The following ZNF322 variants were observed in gnomAD, a reference collection of about 807,000 sequenced individuals.
ZNF322 encodes the protein zinc finger protein 322, also known as HLA complex group 12.
ZNF322 carries 1 observed loss-of-function variant against 18.3 expected under a neutral mutation model. That is an observed-to-expected ratio of 0.05 (90% CI 0.02 to 0.26). The LOEUF (loss-of-function observed/expected upper bound fraction) is 0.26. Among genes scored for constraint, ZNF322 ranks in the 10% least tolerant of loss-of-function variants. The pLI, the probability that ZNF322 is intolerant of heterozygous loss-of-function variation, is 1.00. For synonymous variants in ZNF322, 17 were observed against 130.7 expected (o/e 0.13, Z 5.93); for missense variants, 36 against 403.6 (o/e 0.09, Z 7.80).
intron 3 of ZNF322, 37 bp from the exon 4 acceptor site, chr6:26,638,765 T>A (rs1554148067): frequency 1.3e-6 from 1 of 769,328 alleles, no homozygotes; most frequent in Non-Finnish European, 1.9e-6. Flanking sequence ...TATATTCCTA[T>A]GACTAAGAAA....
intron 3 of ZNF322, among the ~76,000 whole-genome samples, chr6:26,639,423 T>C (rs1765427861): frequency 6.6e-6 from 1 of 152,176 alleles, no homozygotes; most frequent in African/African-American, 2.4e-5. Context: ...TGATTATAGA[T>C]ACAAGTCTAG....
In ZNF322 at chr6:26,645,883, T is replaced by C. The variant is rs923170377; in HGVS notation, c.-245-2155A>G. ...CCTGTCTCTACTAAAAATACAAAAT[T>C]AGCCGGGTGTGGTGGCACATCCCTG... On this transcript the variant is annotated intron_variant, in intron 2 of 3. Coordinates refer to ENST00000415922, the MANE Select transcript of ZNF322 (RefSeq NM_024639.5). Among the ~76,000 whole-genome samples the C allele has an allele frequency of 2.0e-5, 3 of 151,582 alleles. No individual in the cohort carries two copies. In the East Asian group the frequency reaches 5.8e-4, roughly 29 times the overall value.
chr6:26,650,803 A>G (rs752938661), intron 2 of ZNF322, among the ~76,000 whole-genome samples: 1 of 152,240 alleles, frequency 6.6e-6, no homozygotes, highest in Non-Finnish European at 1.5e-5. Context: ...AAATAAATGG[A>G]GGGATATTCC....
At chr6:26,648,933 T>C (rs1187608997) in intron 2 of ZNF322, among the ~76,000 whole-genome samples, 1 of 152,266 alleles carries the variant, frequency 6.6e-6, no homozygotes, top group Non-Finnish European at 1.5e-5. Flanking sequence ...TGGCAAACTA[T>C]GGCCCACAGG....
intron 2 of ZNF322, among the ~76,000 whole-genome samples, chr6:26,656,168 T>C (rs1416450521): frequency 6.6e-6 from 1 of 152,186 alleles, no homozygotes; most frequent in African/African-American, 2.4e-5. Context: ...TAAAGATTGG[T>C]TTATTTTGGT....
intron 2 of ZNF322, among the ~76,000 whole-genome samples, chr6:26,649,451 A>C (rs1765612700): frequency 6.6e-6 from 1 of 151,910 alleles, no homozygotes; most frequent in Non-Finnish European, 1.5e-5. Flanking sequence ...TTCATACCAC[A>C]CACCAATATA....
chr6:26,656,476 C>G (rs1554149699), intron 2 of ZNF322, among the ~76,000 whole-genome samples: 2 of 152,100 alleles, frequency 1.3e-5, no homozygotes, highest in Admixed American at 6.6e-5. Flanking sequence ...TTGTGCAAAG[C>G]CTTGTTCAAA....
At chr6:26,646,279 C>A (rs1467788399) in intron 2 of ZNF322, among the ~76,000 whole-genome samples, 1 of 151,946 alleles carries the variant, frequency 6.6e-6, no homozygotes, top group Admixed American at 6.6e-5. Flanking sequence ...TTCATTTTGG[C>A]TCACAAGCAA....
chr6:26,643,119 C>T (rs782047478), intron 3 of ZNF322, among the ~76,000 whole-genome samples: 16 of 152,232 alleles, frequency 1.1e-4, no homozygotes, highest in Non-Finnish European at 1.6e-4. Context: ...CTAATCCAGC[C>T]GCAATGGCTT....
intron 2 of ZNF322, among the ~76,000 whole-genome samples, chr6:26,654,820 T>A (rs1765735583): frequency 6.6e-6 from 1 of 151,888 alleles, no homozygotes; most frequent in Non-Finnish European, 1.5e-5. Flanking sequence ...TCTGAAAATA[T>A]CTCCCCACTA....
intron 2 of ZNF322, among the ~76,000 whole-genome samples, chr6:26,645,829 C>T (rs1032622375): frequency 6.6e-6 from 1 of 151,836 alleles, no homozygotes; most frequent in South Asian, 2.1e-4. Context: ...GTCGGGAGTT[C>T]GAGACCAGCC....
chr6:26,653,295 C>G (rs189416374), intron 2 of ZNF322, among the ~76,000 whole-genome samples: 1 of 152,248 alleles, frequency 6.6e-6, no homozygotes, highest in African/African-American at 2.4e-5. Flanking sequence ...GGTACAATCT[C>G]GTCCGGAGGG....
intron 2 of ZNF322, among the ~76,000 whole-genome samples, chr6:26,657,762 G>C (rs1765808309): frequency 6.6e-6 from 1 of 152,024 alleles, no homozygotes; most frequent in South Asian, 2.1e-4. Flanking sequence ...CCCAGTAGCT[G>C]TATAACAGAC....
chr6:26,639,986 C>G (rs528192254), intron 3 of ZNF322, among the ~76,000 whole-genome samples: 60 of 152,264 alleles, frequency 3.9e-4, no homozygotes, highest in African/African-American at 1.3e-3. Context: ...CTGTATACCC[C>G]CTTTGTTCAC....
chr6:26,656,628 T>C (rs782221445), intron 2 of ZNF322, among the ~76,000 whole-genome samples: 1 of 152,136 alleles, frequency 6.6e-6, no homozygotes, highest in Non-Finnish European at 1.5e-5. Flanking sequence ...AGTAAAGATA[T>C]GCCGGGATAC....
In ZNF322 at chr6:26,635,184, AG is replaced by A. The variant is rs1554147580; in HGVS notation, c.*2160del. 1.1e-5 allele frequency: 1 copy of A among 90,058 alleles called. No homozygotes were observed. The highest frequency in any genetic ancestry group is 4.4e-5 in the African/African-American group (1 of 22,624). The allele number at this position is 90,058 out of a possible 1,614,324, so 5.6% of individuals were successfully genotyped here. ...GGATCAAAGCTTAGAGCCATACACA[AG>A]GTAGCAGTGTAGCAGTTCGCCAACT... On this transcript the variant is annotated 3_prime_UTR_variant, in exon 4 of 4. Transcript: ENST00000415922.
At chr6:26,656,834 T>TGTG (rs1307655710) in intron 2 of ZNF322, among the ~76,000 whole-genome samples, 1 of 151,782 alleles carries the variant, frequency 6.6e-6, no homozygotes, top group African/African-American at 2.4e-5. Flanking sequence ...ACCAATGAAG[T>TGTG]GTGGGGCATT....
chr6:26,649,470 A>G (rs1460156731), intron 2 of ZNF322, among the ~76,000 whole-genome samples: 2 of 151,818 alleles, frequency 1.3e-5, no homozygotes, highest in East Asian at 1.9e-4. Context: ...TAAACTCCCA[A>G]TTGGTTAGGG....
chr6:26,654,241 T>G (rs1251312450), intron 2 of ZNF322, among the ~76,000 whole-genome samples: 3 of 152,176 alleles, frequency 2.0e-5, no homozygotes, highest in African/African-American at 7.2e-5. Context: ...ATTTTAAGGT[T>G]TATATAGAGA....
Sources: gnomAD v4.1 joint callset for allele counts (sites outside exome capture counted in the v4.1 genomes callset) on GRCh38, gnomAD v4.1.1 for gene constraint, MANE v1.5 for transcripts, NCBI Gene and HGNC (gene_info 2026-07-23, HGNC 2026-07-21) for gene names.